Variants in FOXK2 observed in about 807,000 individuals in gnomAD.
The protein encoded by FOXK2 is forkhead box K2.
FOXK2 carries 24 observed loss-of-function variants against 53.3 expected under a neutral mutation model. That is an observed-to-expected ratio of 0.45 (90% CI 0.33 to 0.63). The LOEUF (loss-of-function observed/expected upper bound fraction) is 0.63, where lower values mean the gene tolerates loss of function less well. Among genes scored for constraint, FOXK2 ranks in the 30% least tolerant of loss-of-function variants. The pLI is 0.03. For missense variants in FOXK2, 952 were observed against 910.5 expected (o/e 1.05, Z -0.59); for synonymous variants, 505 against 407.1 (o/e 1.24, Z -2.89).
intron 1 of FOXK2, among the ~76,000 whole-genome samples, chr17:82,545,434 T>G (rs976777240): frequency 2.0e-5 from 3 of 152,198 alleles, no homozygotes; most frequent in Admixed American, 6.6e-5. Flanking sequence ...TATTGGCCAT[T>G]CTCATTACTG....
At chr17:82,570,047 C>A (rs1014196097) in intron 3 of FOXK2, among the ~76,000 whole-genome samples, 7 of 150,154 alleles carry the variant, frequency 4.7e-5, no homozygotes, top group African/African-American at 1.7e-4. Flanking sequence ...ACGGTGAAAT[C>A]CCGTCTGTAC....
intron 1 of FOXK2, among the ~76,000 whole-genome samples, chr17:82,532,230 C>T (rs1405960375): frequency 2.0e-5 from 3 of 151,010 alleles, no homozygotes; most frequent in African/African-American, 2.4e-5. Flanking sequence ...CTGCAGCCTC[C>T]GCCTCCTTGG....
chr17:82,582,227 T>C (rs1355310879), intron 4 of FOXK2, among the ~76,000 whole-genome samples: 2 of 152,176 alleles, frequency 1.3e-5, no homozygotes, highest in African/African-American at 4.8e-5. Context: ...GTGCTGACAG[T>C]TGCAGTCCTG....
In FOXK2 at chr17:82,586,154, T is replaced by A. The variant is rs760559921; in HGVS notation, c.1530T>A (p.Pro510=). ...AVVTPAAVLA[P]PKAEAQENGD... ...TCACCCCGGCAGCCGTGCTGGCCCC[T>A]CCTAAGGCAGAGGCCCAGGAGAATG... The change falls in exon 7 of 9, where the codon CCT becomes CCA. Residue 510 remains proline (P), a synonymous_variant. Coordinates refer to ENST00000335255, the MANE Select transcript of FOXK2 (RefSeq NM_004514.4). 9.3e-6 allele frequency: 15 copies of A among 1,611,514 alleles called. No homozygotes were observed. In the African/African-American group the frequency reaches 1.5e-4, roughly 16 times the overall value.
intron 8 of FOXK2, among the ~76,000 whole-genome samples, chr17:82,588,661 C>T (rs959678097): frequency 6.6e-5 from 10 of 152,054 alleles, no homozygotes; most frequent in Non-Finnish European, 1.5e-5. Flanking sequence ...TGGTGTGGGG[C>T]CCAAGAATGC....
Position 82,587,337 on chromosome 17 carries a change from C to T in FOXK2, c.1786+65C>T, listed in dbSNP as rs574323752. On this transcript the variant is annotated intron_variant, in intron 8 of 8. Transcript: ENST00000335255. ...ACTGGGAGCAGAGCCCCTTCTCACT[C>T]GTGGTTTCGGTTCTGACTGTAACAA... 1.2e-4 allele frequency: 153 copies of T among 1,291,848 alleles called. 1 individual carries two copies. The Middle Eastern group carries it at 2.1e-3, about 18-fold the overall frequency. 80.0% of individuals were successfully genotyped at this position (1,291,848 alleles called of 1,614,324 possible).
intron 4 of FOXK2, among the ~76,000 whole-genome samples, chr17:82,573,313 G>A (rs1231176391): frequency 1.3e-5 from 2 of 151,924 alleles, no homozygotes; most frequent in Non-Finnish European, 2.9e-5. Flanking sequence ...CCCACCTTGT[G>A]CCCACCCCCC....
intron 1 of FOXK2, among the ~76,000 whole-genome samples, chr17:82,560,386 C>T (rs2044780398): frequency 6.6e-6 from 1 of 151,900 alleles, no homozygotes; most frequent in South Asian, 2.1e-4. Flanking sequence ...TTTGGCTTCC[C>T]AAAGTGCTAG....
At chr17:82,597,272 CAG>C (rs1267124066) in intron 8 of FOXK2, among the ~76,000 whole-genome samples, 6 of 152,246 alleles carry the variant, frequency 3.9e-5, no homozygotes, top group African/African-American at 1.4e-4. Flanking sequence ...TTTAGATCAA[CAG>C]AGTCAGTGCC....
At chr17:82,540,652 CCT>C (rs1240291359) in intron 1 of FOXK2, among the ~76,000 whole-genome samples, 4 of 152,298 alleles carry the variant, frequency 2.6e-5, no homozygotes, top group African/African-American at 7.2e-5. Flanking sequence ...TCTGCAGCTG[CCT>C]CTCCTGTAAG....
At chr17:82,575,747 A>G (rs1023244207) in intron 4 of FOXK2, among the ~76,000 whole-genome samples, 3 of 152,222 alleles carry the variant, frequency 2.0e-5, no homozygotes, top group Non-Finnish European at 2.9e-5. Context: ...TGAAATCTCA[A>G]GCTGGGCTTG....
At chr17:82,520,452 C>G in intron 1 of FOXK2, 145 bp downstream of exon 1, 1 of 683,136 alleles carries the variant, frequency 1.5e-6, no homozygotes, top group Non-Finnish European at 2.0e-6. Flanking sequence ...GACCCAGGCC[C>G]CGGCTGGATC....
At chr17:82,566,154 G>A (rs1485891702) in intron 2 of FOXK2, among the ~76,000 whole-genome samples, 1 of 152,026 alleles carries the variant, frequency 6.6e-6, no homozygotes, top group Non-Finnish European at 1.5e-5. Flanking sequence ...TGTGATGGCT[G>A]CACCTCTGTG....
In FOXK2 at chr17:82,571,726, T is replaced by C; in HGVS notation, c.765T>C (p.Asp255=). 1.3e-6 allele frequency: 2 copies of C among 1,531,556 alleles called. No homozygotes were observed. Among genetic ancestry groups the C allele is most frequent in the Non-Finnish European group, 1.7e-6 (2 of 1,144,678 alleles). 94.9% of individuals were successfully genotyped at this position (1,531,556 alleles called of 1,614,324 possible). The part of the protein sequence containing the change: ...KEASGGDSPK[D]DSKPPYSYAQ... ...TTGTGTTTGTTTTTTAAATACAGGA[T>C]GATTCAAAGCCGCCTTACTCCTACG... The change falls in exon 4 of 9, where the codon GAT becomes GAC. Residue 255 remains aspartate (D), a splice_region_variant and synonymous_variant. Coordinates refer to ENST00000335255, the MANE Select transcript of FOXK2 (RefSeq NM_004514.4).
chr17:82,559,795 G>A (rs1351983312), intron 1 of FOXK2, among the ~76,000 whole-genome samples: 2 of 151,726 alleles, frequency 1.3e-5, no homozygotes, highest in African/African-American at 2.4e-5. Flanking sequence ...ATTTAGAGCA[G>A]CACTGAAAGC....
chr17:82,576,968 T>C, intron 4 of FOXK2: 1 of 390,142 alleles, frequency 2.6e-6, no homozygotes, highest in East Asian at 5.6e-5. Flanking sequence ...CGAGACCAGA[T>C]GACCAACACG....
intron 2 of FOXK2, among the ~76,000 whole-genome samples, chr17:82,564,794 G>A (rs62078133): frequency 0.03 from 4,471 of 149,524 alleles, 94 homozygotes; most frequent in Non-Finnish European, 0.044. Flanking sequence ...TCCAATGTGC[G>A]GTCTTGGCTC....
intron 8 of FOXK2, among the ~76,000 whole-genome samples, chr17:82,590,245 G>A (rs994279577): frequency 2.0e-5 from 3 of 152,172 alleles, no homozygotes; most frequent in Non-Finnish European, 4.4e-5. Flanking sequence ...TTAAAACAGT[G>A]TCGGCTACAG....
chr17:82,579,981 G>A (rs111649595), intron 4 of FOXK2, among the ~76,000 whole-genome samples: 1 of 111,600 alleles, frequency 9.0e-6, no homozygotes, highest in African/African-American at 3.7e-5. Context: ...CATCCACAGG[G>A]CCCAGATCCC....
Sources: allele counts gnomAD v4.1 joint callset (sites outside exome capture counted in the v4.1 genomes callset), GRCh38; gene constraint gnomAD v4.1.1; transcripts MANE v1.5; gene names NCBI Gene and HGNC (gene_info 2026-07-23, HGNC 2026-07-21).